The following SLC24A2 variants were observed in gnomAD, a reference collection of about 807,000 sequenced individuals.
SLC24A2 encodes solute carrier family 24 member 2.
A neutral mutation model predicts 62.0 loss-of-function variants in SLC24A2; 36 were observed. The observed-to-expected ratio is 0.58, with a 90% confidence interval of 0.44 to 0.77. The LOEUF (loss-of-function observed/expected upper bound fraction) is 0.77. SLC24A2 is among the 30% of genes least tolerant of loss of function. SLC24A2 has a pLI of 0.00. For missense variants in SLC24A2, 846 were observed against 817.9 expected, an observed-to-expected ratio of 1.03 and a Z score of -0.42; for synonymous variants, 358 against 294.0, an observed-to-expected ratio of 1.22 and a Z score of -2.23.
chr9:20,117,604 T>C, the SLC24A2 span, among the ~76,000 whole-genome samples: 1 of 152,184 alleles, frequency 6.6e-6, no homozygotes, highest in Non-Finnish European at 1.5e-5. Context: ...TCTAACAAAG[T>C]ACTTATTATG....
At chr9:19,880,206 T>A in the SLC24A2 span, among the ~76,000 whole-genome samples, 4 of 152,214 alleles carry the variant, frequency 2.6e-5, no homozygotes, top group African/African-American at 9.6e-5. Context: ...ATGATATGTG[T>A]TCTTCTTAGC....
intron 2 of SLC24A2, among the ~76,000 whole-genome samples, chr9:19,641,818 A>G (rs1818502072): frequency 1.3e-5 from 2 of 152,252 alleles, no homozygotes; most frequent in South Asian, 4.1e-4. Flanking sequence ...ATCTTCCAGT[A>G]GAGAATGGCA....
the SLC24A2 span, among the ~76,000 whole-genome samples, chr9:19,913,926 T>C: frequency 2.0e-5 from 3 of 152,068 alleles, no homozygotes; most frequent in Non-Finnish European, 4.4e-5. Context: ...ATTCTTACTG[T>C]ATCCCAAACC....
chr9:20,036,957 G>A, the SLC24A2 span, among the ~76,000 whole-genome samples: 41 of 151,920 alleles, frequency 2.7e-4, no homozygotes, highest in South Asian at 1.0e-3. Context: ...GTGCAATGGC[G>A]TGATCTCAGC....
the SLC24A2 span, among the ~76,000 whole-genome samples, chr9:20,033,585 T>C: frequency 1.3e-5 from 2 of 152,180 alleles, no homozygotes; most frequent in Non-Finnish European, 2.9e-5. Context: ...GCTAAAGAAA[T>C]GCATTATAAT....
chr9:20,301,970 C>T, the SLC24A2 span, among the ~76,000 whole-genome samples: 6 of 152,224 alleles, frequency 3.9e-5, no homozygotes, highest in Admixed American at 1.3e-4. Context: ...TTGCCTTTTC[C>T]GGAATGTCAT....
chr9:20,217,901 C>A, the SLC24A2 span, among the ~76,000 whole-genome samples: 1 of 152,346 alleles, frequency 6.6e-6, no homozygotes, highest in Non-Finnish European at 1.5e-5. Context: ...TTCACTTTTG[C>A]ATCCTCCAAG....
the SLC24A2 span, among the ~76,000 whole-genome samples, chr9:20,057,849 T>C: frequency 1.2e-4 from 19 of 152,290 alleles, no homozygotes; most frequent in East Asian, 1.4e-3. Context: ...TAGAGAATAT[T>C]TGACTTTTAC....
intron 2 of SLC24A2, among the ~76,000 whole-genome samples, chr9:19,640,611 T>G (rs1818468467): frequency 6.6e-6 from 1 of 152,160 alleles, no homozygotes; most frequent in Non-Finnish European, 1.5e-5. Flanking sequence ...TAATGCAATA[T>G]TTCAAAAAAT....
At chr9:20,213,422 G>A in the SLC24A2 span, among the ~76,000 whole-genome samples, 1 of 148,600 alleles carries the variant, frequency 6.7e-6, no homozygotes, top group Non-Finnish European at 1.5e-5. Context: ...AGCCAGAAAA[G>A]AAACAAAAAT....
intron 5 of SLC24A2, among the ~76,000 whole-genome samples, chr9:19,577,566 T>C (rs964363507): frequency 6.6e-6 from 1 of 152,198 alleles, no homozygotes; most frequent in African/African-American, 2.4e-5. Context: ...TTGCTGTTTC[T>C]AAACGAGTAA....
At chr9:19,734,187 G>C (rs1383785017) in intron 2 of SLC24A2, among the ~76,000 whole-genome samples, 2 of 150,902 alleles carry the variant, frequency 1.3e-5, no homozygotes, top group African/African-American at 2.5e-5. Context: ...TCAAAGATCA[G>C]ATAGTTGTAG....
intron 5 of SLC24A2, among the ~76,000 whole-genome samples, chr9:19,580,299 G>A (rs1004990665): frequency 7.9e-5 from 12 of 152,350 alleles, no homozygotes; most frequent in East Asian, 5.8e-4. Flanking sequence ...AGGATTTTCC[G>A]TTAAAGATTA....
chr9:19,868,939 G>A, the SLC24A2 span, among the ~76,000 whole-genome samples: 2 of 151,922 alleles, frequency 1.3e-5, no homozygotes, highest in African/African-American at 4.8e-5. Flanking sequence ...TGCTTTTTGA[G>A]TGGGTGTTTA....
the SLC24A2 span, chr9:19,928,210 C>A: frequency 2.0e-5 from 3 of 152,252 alleles, no homozygotes; most frequent in African/African-American, 7.2e-5. Context: ...ACCCTTGATA[C>A]CTTCTAAACT....
chr9:19,669,498 C>T (rs898067892), intron 2 of SLC24A2, among the ~76,000 whole-genome samples: 1 of 152,214 alleles, frequency 6.6e-6, no homozygotes, highest in Non-Finnish European at 1.5e-5. Context: ...TTAAACTACA[C>T]AAACTTATTA....
At chr9:19,663,770 A>G (rs1462399163) in intron 2 of SLC24A2, among the ~76,000 whole-genome samples, 1 of 152,218 alleles carries the variant, frequency 6.6e-6, no homozygotes, top group Non-Finnish European at 1.5e-5. Context: ...AAGCATGCAT[A>G]TGCCTGGCAC....
intron 7 of SLC24A2, among the ~76,000 whole-genome samples, chr9:19,556,308 T>A (rs1483082954): frequency 6.6e-6 from 1 of 152,228 alleles, no homozygotes; most frequent in Non-Finnish European, 1.5e-5. Flanking sequence ...TGGAGAAGCC[T>A]GAGTTGGATT....
intron 2 of SLC24A2, among the ~76,000 whole-genome samples, chr9:19,674,893 G>A (rs1025381949): frequency 6.6e-6 from 1 of 152,108 alleles, no homozygotes; most frequent in Admixed American, 6.5e-5. Context: ...ATCCACTGCT[G>A]GTGAGCTAGT....
Sources: allele counts gnomAD v4.1 joint callset (sites outside exome capture counted in the v4.1 genomes callset), GRCh38; gene constraint gnomAD v4.1.1; transcripts MANE v1.5; gene names NCBI Gene and HGNC (gene_info 2026-07-23, HGNC 2026-07-21).